Variants in CCDC169 observed in about 807,000 individuals in gnomAD.
CCDC169 encodes the protein coiled-coil domain containing 169.
CCDC169 carries 30 observed loss-of-function variants against 36.0 expected under a neutral mutation model. The observed-to-expected ratio is 0.83, with a 90% CI of 0.62 to 1.13. The LOEUF (loss-of-function observed/expected upper bound fraction) is 1.13. Among genes scored for constraint, CCDC169 ranks in the 50% most tolerant of loss-of-function variants. The pLI, the probability that CCDC169 is intolerant of heterozygous loss-of-function variation, is 0.00. For synonymous variants in CCDC169, 85 were observed against 81.5 expected (o/e 1.04, Z -0.23); for missense variants, 245 against 245.9 (o/e 1.00, Z 0.03).
chr13:36,263,405 G>A (rs1223378910), intron 4 of CCDC169, among the ~76,000 whole-genome samples: 1 of 152,086 alleles, frequency 6.6e-6, no homozygotes, highest in Non-Finnish European at 1.5e-5. Context: ...AAGAAAAATG[G>A]AAGCAGCTGA....
At chr13:36,233,125 C>T (rs1340090263) in intron 7 of CCDC169, among the ~76,000 whole-genome samples, 1 of 152,194 alleles carries the variant, frequency 6.6e-6, no homozygotes, top group Admixed American at 6.5e-5. Flanking sequence ...CTCCAACACA[C>T]ACACACAGAG....
In CCDC169 at chr13:36,295,927, A is replaced by T. The variant is rs578224079; in HGVS notation, c.84-70T>A. 8 of 807,602 alleles carry T rather than the reference A, an allele frequency of 9.9e-6. No individual in the cohort carries two copies. In the East Asian group the frequency reaches 1.9e-4, roughly 19 times the overall value. 50.0% of individuals were successfully genotyped at this position (807,602 alleles called of 1,614,324 possible). On this transcript the variant is annotated intron_variant, in intron 1 of 7. Coordinates refer to ENST00000239859, the MANE Select transcript of CCDC169 (RefSeq NM_001144981.3). ...AACATCAGAAAAATAATACATAGTA[A>T]CCCACTACTACTTCAGGAACAATTT...
intron 6 of CCDC169, among the ~76,000 whole-genome samples, chr13:36,253,261 T>G (rs9575666): frequency 0.41 from 61,598 of 151,986 alleles, 13,266 homozygotes; most frequent in Non-Finnish European, 0.48. Flanking sequence ...TAGTGATTAG[T>G]GGTGAAACTA....
chr13:36,283,523 A>C lies in CCDC169; in HGVS notation c.275-14T>G. On this transcript the variant is annotated splice_polypyrimidine_tract_variant and intron_variant, in intron 3 of 7. Transcript: ENST00000239859. ...AAGATAGTCTATCTACAATAAATCAAATATGAGCACTTAATGTTTTATCAG... is the reference window on the plus strand; with the variant it reads ...AAGATAGTCTATCTACAATAAATCACATATGAGCACTTAATGTTTTATCAG... 6.4e-7 allele frequency: 1 copy of C among 1,550,876 alleles called. No individual in the cohort carries two copies.
intron 7 of CCDC169, among the ~76,000 whole-genome samples, chr13:36,236,677 C>T (rs1227800469): frequency 2.0e-5 from 3 of 152,008 alleles, no homozygotes; most frequent in Admixed American, 6.6e-5. Context: ...ATAAAAATAC[C>T]ATCCATAGAA....
intron 4 of CCDC169, among the ~76,000 whole-genome samples, chr13:36,261,569 A>C (rs1014404957): frequency 2.6e-5 from 4 of 152,190 alleles, no homozygotes. Context: ...TAGGCCAAAA[A>C]AACAATCTTA....
intron 6 of CCDC169, among the ~76,000 whole-genome samples, chr13:36,252,249 T>A (rs1873265614): frequency 1.3e-5 from 2 of 152,198 alleles, no homozygotes; most frequent in Admixed American, 6.5e-5. Flanking sequence ...CAGCCCAGTA[T>A]CAAGGAACAT....
At chr13:36,240,533 A>G in intron 7 of CCDC169, 1 of 941,622 alleles carries the variant, frequency 1.1e-6, no homozygotes, top group Non-Finnish European at 1.4e-6. Flanking sequence ...AAAAAATCAG[A>G]ATCAGAAGGA....
In CCDC169 at chr13:36,285,603, A is replaced by ATAGATAGATAGATAGATAGATAGATAGC. The variant is rs1276014417; in HGVS notation, c.164-1902_164-1901insGCTATCTATCTATCTATCTATCTATCTA. ...TAAAATAAGATAGATAGATAGATAG[A>ATAGATAGATAGATAGATAGATAGATAGC]TAGATAGATAGATAGATACATAGAT... is the stretch of plus-strand genomic sequence containing the variant. On this transcript the variant is annotated intron_variant, in intron 2 of 7. Coordinates refer to ENST00000239859, the MANE Select transcript of CCDC169 (RefSeq NM_001144981.3). Among the ~76,000 whole-genome samples the ATAGATAGATAGATAGATAGATAGATAGC allele has an allele frequency of 5.2e-3, 765 of 148,238 alleles. 7 individuals carry two copies. Among genetic ancestry groups the ATAGATAGATAGATAGATAGATAGATAGC allele is most frequent in the South Asian group, 0.027 (119 of 4,372 alleles).
chr13:36,288,360 T>G (rs1423919982), intron 2 of CCDC169, among the ~76,000 whole-genome samples: 1 of 152,214 alleles, frequency 6.6e-6, no homozygotes, highest in East Asian at 1.9e-4. Context: ...TATCTCAGTT[T>G]TCAGAAGTAA....
At chr13:36,251,460 C>G (rs955610923) in intron 6 of CCDC169, among the ~76,000 whole-genome samples, 7 of 151,972 alleles carry the variant, frequency 4.6e-5, no homozygotes, top group Admixed American at 3.9e-4. Context: ...AGTGATCCTG[C>G]GGAGTCAGAG....
intron 7 of CCDC169, among the ~76,000 whole-genome samples, chr13:36,232,527 C>T (rs1038390004): frequency 6.6e-6 from 1 of 152,036 alleles, no homozygotes; most frequent in Non-Finnish European, 1.5e-5. Context: ...CTCAGTGGCT[C>T]TCACCTGTAA....
intron 4 of CCDC169, chr13:36,283,152 A>C (rs1352447985): frequency 3.5e-6 from 1 of 286,486 alleles, no homozygotes; most frequent in East Asian, 6.6e-5. Flanking sequence ...AGCGTGCAAA[A>C]GGACTTATTT....
chr13:36,251,163 A>C (rs1873106384), intron 6 of CCDC169, among the ~76,000 whole-genome samples: 1 of 152,254 alleles, frequency 6.6e-6, no homozygotes, highest in African/African-American at 2.4e-5. Context: ...CAGTGAATCA[A>C]GAGTGAGACA....
chr13:36,284,649 T>G (rs1877952918), intron 2 of CCDC169, among the ~76,000 whole-genome samples: 1 of 152,200 alleles, frequency 6.6e-6, no homozygotes, highest in African/African-American at 2.4e-5. Context: ...AGCCTAAAAT[T>G]AAAAGGTCTT....
chr13:36,242,518 C>T (rs1254836526), intron 7 of CCDC169, among the ~76,000 whole-genome samples: 1 of 151,990 alleles, frequency 6.6e-6, no homozygotes, highest in Admixed American at 6.6e-5. Context: ...ATTATATATA[C>T]CTAATTTGGA....
downstream of CCDC169, chr13:36,222,418 T>C (rs1481384939): frequency 6.6e-6 from 1 of 152,042 alleles, no homozygotes; most frequent in East Asian, 1.9e-4. Context: ...CCTTGAGAGG[T>C]GGCTGGATAT....
chr13:36,297,048 G>C (rs1879588846), intron 1 of CCDC169, among the ~76,000 whole-genome samples: 1 of 152,136 alleles, frequency 6.6e-6, no homozygotes, highest in East Asian at 1.9e-4. Flanking sequence ...TACTGTGACT[G>C]GAGCTACAAT....
chr13:36,256,461 T>C (rs1873898788), intron 4 of CCDC169, among the ~76,000 whole-genome samples: 1 of 152,158 alleles, frequency 6.6e-6, no homozygotes, highest in Non-Finnish European at 1.5e-5. Context: ...CCATCAGATC[T>C]TGTGAGAACT....
Sources: gnomAD v4.1 joint callset for allele counts (sites outside exome capture counted in the v4.1 genomes callset) on GRCh38, gnomAD v4.1.1 for gene constraint, MANE v1.5 for transcripts, NCBI Gene and HGNC (gene_info 2026-07-23, HGNC 2026-07-21) for gene names.